Variants in PDE10A observed in about 807,000 individuals in gnomAD.
PDE10A encodes cAMP and cAMP-inhibited cGMP 3',5'-cyclic phosphodiesterase 10A.
PDE10A carries 39 observed loss-of-function variants against 97.7 expected under a neutral mutation model. That is an observed-to-expected ratio of 0.40 (90% CI 0.31 to 0.52). The LOEUF is 0.52. Ranked by LOEUF, PDE10A falls within the 20% of genes least tolerant of loss-of-function variation. PDE10A has a pLI of 0.56. For synonymous variants in PDE10A, 371 were observed against 376.8 expected, an observed-to-expected ratio of 0.98 and a Z score of 0.18; for missense variants, 731 against 1,047.8, an observed-to-expected ratio of 0.70 and a Z score of 4.17.
At chr6:165,394,008 T>C (rs140804482) in intron 15 of PDE10A, among the ~76,000 whole-genome samples, 255 of 152,236 alleles carry the variant, frequency 1.7e-3, no homozygotes, top group African/African-American at 5.9e-3. Flanking sequence ...CTAATAGATA[T>C]ATGATGTTAG....
intron 1 of PDE10A, among the ~76,000 whole-genome samples, chr6:165,646,107 C>T (rs182262161): frequency 4.8e-4 from 73 of 152,276 alleles, no homozygotes; most frequent in Admixed American, 2.7e-3. Context: ...AACAGTTCCA[C>T]GGCAGCATCA....
Position 165,663,131 on chromosome 6 carries a change from G to A in PDE10A, c.-320C>T, listed in dbSNP as rs2128433349. ...TCCCTGCAGGCGTGGCGTGGTGTGTGCGCGCTCCGGCGGCTGAGCCTCGGC... is the reference window on the plus strand; with the variant it reads ...TCCCTGCAGGCGTGGCGTGGTGTGTACGCGCTCCGGCGGCTGAGCCTCGGC... On this transcript the variant is annotated 5_prime_UTR_variant, in exon 1 of 22. Transcript: ENST00000539869. 6.6e-6 allele frequency among the ~76,000 whole-genome samples: 1 copy of A among 151,944 alleles called. No individual in the cohort carries two copies. The highest frequency in any genetic ancestry group is 6.5e-5 in the Admixed American group (1 of 15,276).
At chr6:165,687,738 C>A (rs1003136300) in intron 1 of PDE10A, among the ~76,000 whole-genome samples, 1 of 152,202 alleles carries the variant, frequency 6.6e-6, no homozygotes, top group African/African-American at 2.4e-5. Flanking sequence ...AGTGCACAGC[C>A]GTAGATGCAG....
intron 1 of PDE10A, among the ~76,000 whole-genome samples, chr6:165,843,460 T>C (rs1189898506): frequency 6.6e-6 from 1 of 152,186 alleles, no homozygotes; most frequent in African/African-American, 2.4e-5. Context: ...CAGAAATGTA[T>C]TGCTGACAGT....
At chr6:165,586,722 T>C (rs1785934984) in intron 1 of PDE10A, among the ~76,000 whole-genome samples, 1 of 152,208 alleles carries the variant, frequency 6.6e-6, no homozygotes, top group African/African-American at 2.4e-5. Flanking sequence ...TGATTCTTAA[T>C]ACTTTAAGTG....
At chr6:165,613,223 T>C (rs747790521) in intron 1 of PDE10A, among the ~76,000 whole-genome samples, 4 of 152,188 alleles carry the variant, frequency 2.6e-5, no homozygotes, top group Non-Finnish European at 5.9e-5. Context: ...TTTGCATGTG[T>C]TCAGGTTTTT....
At chr6:165,334,275 CGCCCT>C (rs1562356531) in intron 21 of PDE10A, among the ~76,000 whole-genome samples, 1 of 152,194 alleles carries the variant, frequency 6.6e-6, no homozygotes, top group African/African-American at 2.4e-5. Flanking sequence ...ACCTCCATAG[CGCCCT>C]ACAGCGCCGG....
At position 165,691,106 on chromosome 6, in the gene PDE10A, T is replaced by TCTCTCTCCC. The variant is rs143783728; in HGVS notation, c.-614-147539_-614-147538insGGGAGAGAG. Among the ~76,000 whole-genome samples the TCTCTCTCCC allele has an allele frequency of 1.1e-3, 42 of 39,120 alleles. 6 individuals are homozygous for TCTCTCTCCC. Among genetic ancestry groups the TCTCTCTCCC allele is most frequent in the Non-Finnish European group, 1.5e-3 (32 of 22,038 alleles). 25.7% of individuals were successfully genotyped at this position (39,120 alleles called of 152,430 possible). On this transcript the variant is annotated intron_variant, in intron 1 of 19. Transcript: ENST00000366882. ...CTCTCTCTCTCTCTCTCTTTCTCTC[T>TCTCTCTCCC]CCCCCCCCCCATCAGTGCCTGTGGT...
At chr6:165,531,738 T>C (rs1341326952) in intron 2 of PDE10A, among the ~76,000 whole-genome samples, 1 of 146,106 alleles carries the variant, frequency 6.8e-6, no homozygotes, top group East Asian at 2.0e-4. Context: ...AAAAGAATTA[T>C]ATATAGTTCT....
chr6:165,524,669 C>CAG (rs59165414), intron 2 of PDE10A, among the ~76,000 whole-genome samples: 127,449 of 151,994 alleles, frequency 0.84, 53,891 homozygotes, highest in East Asian at 0.99. Flanking sequence ...TGCCCTGAGT[C>CAG]AGTCTTATCT....
In PDE10A at chr6:165,333,061, T is replaced by C. The variant is rs1018746644; in HGVS notation, c.3132A>G (p.Pro1044=). ...GEETATWISS[P]SVAQKAAASE... is the part of the protein sequence containing the mutation. ...ATGCAGCTGCCTTCTGAGCCACGGA[T>C]GGGGATGAAATCCAGGTTGCAGTCT... is the stretch of plus-strand genomic sequence containing the variant. The change falls in exon 22 of 22, where the codon CCA becomes CCG. Residue 1044 remains proline, a synonymous_variant. Transcript: ENST00000539869. 6.2e-7 allele frequency: 1 copy of C among 1,612,956 alleles called. No homozygotes were observed. The highest frequency in any genetic ancestry group is 8.5e-7 in the Non-Finnish European group (1 of 1,179,196).
chr6:165,657,474 C>G (rs2128428962), intron 1 of PDE10A, among the ~76,000 whole-genome samples: 1 of 152,320 alleles, frequency 6.6e-6, no homozygotes, highest in South Asian at 2.1e-4. Context: ...TCAGCTATTT[C>G]GAAACAAACA....
At chr6:165,386,790 C>T (rs1356553369) in intron 17 of PDE10A, among the ~76,000 whole-genome samples, 1 of 150,372 alleles carries the variant, frequency 6.7e-6, no homozygotes, top group Admixed American at 6.6e-5. Flanking sequence ...ATCACAAGGT[C>T]AGGAGATTGA....
At chr6:165,936,160 C>T (rs1444374580) in intron 1 of PDE10A, among the ~76,000 whole-genome samples, 2 of 152,114 alleles carry the variant, frequency 1.3e-5, no homozygotes, top group African/African-American at 2.4e-5. Flanking sequence ...GAGGAGGTAA[C>T]ATGTTCAGTT....
chr6:165,447,836 T>C (rs1790983951), intron 5 of PDE10A, among the ~76,000 whole-genome samples: 1 of 152,166 alleles, frequency 6.6e-6, no homozygotes, highest in African/African-American at 2.4e-5. Flanking sequence ...CAAGAAAATG[T>C]CTTTGCCCTA....
chr6:165,950,916 T>G (rs572793318), intron 1 of PDE10A, among the ~76,000 whole-genome samples: 5 of 152,346 alleles, frequency 3.3e-5, no homozygotes, highest in African/African-American at 1.2e-4. Flanking sequence ...TCATCCTGAT[T>G]TAATAAAGAA....
intron 13 of PDE10A, among the ~76,000 whole-genome samples, chr6:165,400,073 G>A (rs779038147): frequency 2.2e-4 from 33 of 152,096 alleles, no homozygotes; most frequent in Non-Finnish European, 3.8e-4. Flanking sequence ...GAGGCCATAA[G>A]GAAAGGATAG....
chr6:165,669,264 G>A (rs1484135359), intron 1 of PDE10A, among the ~76,000 whole-genome samples: 1 of 152,178 alleles, frequency 6.6e-6, no homozygotes, highest in Non-Finnish European at 1.5e-5. Flanking sequence ...AGAGACACCC[G>A]GTGCTAACTC....
intron 1 of PDE10A, among the ~76,000 whole-genome samples, chr6:165,955,915 T>C (rs1293581089): frequency 2.6e-5 from 4 of 152,220 alleles, no homozygotes. Flanking sequence ...TTCCTAAAGC[T>C]ATACAGAAGA....
Sources: gnomAD v4.1 joint callset for allele counts (sites outside exome capture counted in the v4.1 genomes callset) on GRCh38, gnomAD v4.1.1 for gene constraint, MANE v1.5 for transcripts, NCBI Gene and HGNC (gene_info 2026-07-23, HGNC 2026-07-21) for gene names.